RABL2B: variants seen among roughly 807,000 people sequenced by gnomAD.
The protein encoded by RABL2B is rab-like protein 2B.
Under a neutral mutation model 26.7 loss-of-function variants are expected in RABL2B, and 17 were observed. The ratio of observed to expected loss-of-function variants is 0.64; its 90% confidence interval spans 0.44 to 0.95. RABL2B has a LOEUF of 0.95. RABL2B is among the 40% of genes least tolerant of loss of function. RABL2B has a pLI of 0.00. For missense variants in RABL2B, 170 were observed against 277.2 expected (o/e 0.61, Z 2.75); for synonymous variants, 70 against 103.9 (o/e 0.67, Z 1.99).
At chr22:50,778,097 C>G (rs1177654468) in intron 2 of RABL2B, 116 bp from the exon 3 acceptor site, 18 of 1,361,916 alleles carry the variant, frequency 1.3e-5, no homozygotes, top group Non-Finnish European at 1.8e-5. Context: ...TTCCCCCTTT[C>G]ACTCCACAGC....
chr22:50,780,575 C>T (rs782618437), intron 2 of RABL2B: 1 of 413,432 alleles, frequency 2.4e-6, no homozygotes, highest in Non-Finnish European at 5.0e-6. Context: ...ATTCTTGAGT[C>T]CAGTCAAAAC....
intron 2 of RABL2B, among the ~76,000 whole-genome samples, chr22:50,778,929 A>G (rs1470110673): frequency 6.7e-6 from 1 of 150,276 alleles, no homozygotes; most frequent in African/African-American, 2.5e-5. Flanking sequence ...TTTTATTTAT[A>G]ACTATAAAGA....
At position 50,768,852 on chromosome 22, in the gene RABL2B, T is replaced by G; in HGVS notation, c.614A>C (p.Glu205Ala). 2 of 1,613,090 alleles carry G rather than the reference T, an allele frequency of 1.2e-6. No individual in the cohort carries two copies. The highest frequency in any genetic ancestry group is 1.7e-6 in the Non-Finnish European group (2 of 1,179,694). Residue 205 changes from glutamate to alanine, a missense_variant, in exon 9 of 9, where the codon GAG (glutamate) becomes GCG (alanine). Around this residue, in one of 2 missense-constraint regions of RABL2B, gnomAD observed 165 missense variants for 232.0 expected, o/e 0.71. Transcript: ENST00000691320. ...CTGTTCCTGGTCTGGCACGTCCTCC[T>G]CTTCCTGCTCCAAGCTGAAGTTCTG... ...ELENFSLEQE[E>A]EDVPDQEQSS...
At chr22:50,781,116 G>A (rs1569194366) in intron 2 of RABL2B, among the ~76,000 whole-genome samples, 1 of 151,988 alleles carries the variant, frequency 6.6e-6, no homozygotes, top group Non-Finnish European at 1.5e-5. Flanking sequence ...TGAGGTGGGC[G>A]GATCACAAGG....
intron 5 of RABL2B, among the ~76,000 whole-genome samples, chr22:50,773,902 A>ATT (rs370565257): frequency 6.7e-6 from 1 of 149,770 alleles, no homozygotes; most frequent in Non-Finnish European, 1.5e-5. Flanking sequence ...GGCAGACTTT[A>ATT]TTTTTTTTTT....
intron 2 of RABL2B, among the ~76,000 whole-genome samples, chr22:50,781,940 T>G (rs1262095983): frequency 6.7e-6 from 1 of 149,740 alleles, no homozygotes; most frequent in Admixed American, 6.7e-5. Flanking sequence ...TGTCCTCAGT[T>G]GCTCCACACG....
rs1227121223 is a variant in RABL2B at position 50,777,790 on chromosome 22, T to G, written c.137+162A>C. ...ACAGCACTGATTGTGCAATGCCATG[T>G]GGGTCAATCGGCAAGAAACAAGTGC... is the stretch of plus-strand genomic sequence containing the variant. On this transcript the variant is annotated intron_variant, in intron 3 of 8. Transcript: ENST00000691320. 5.8e-6 allele frequency: 6 copies of G among 1,030,488 alleles called. No homozygotes were observed. In the African/African-American group the frequency reaches 9.5e-5, roughly 16 times the overall value. 63.8% of individuals were successfully genotyped at this position (1,030,488 alleles called of 1,614,324 possible).
chr22:50,781,318 TG>T (rs574229357), intron 2 of RABL2B, among the ~76,000 whole-genome samples: 123 of 125,550 alleles, frequency 9.8e-4, no homozygotes, highest in African/African-American at 3.7e-3. Flanking sequence ...CACTCCAGCC[TG>T]GGGGACAGAG....
At chr22:50,774,928 C>T (rs1338794011) in intron 5 of RABL2B, among the ~76,000 whole-genome samples, 1 of 152,134 alleles carries the variant, frequency 6.6e-6, no homozygotes, top group Non-Finnish European at 1.5e-5. Context: ...CAGGCACCCG[C>T]CACCATGCCC....
chr22:50,776,535 C>G, intron 4 of RABL2B, 135 bp downstream of exon 4: 2 of 1,323,112 alleles, frequency 1.5e-6, no homozygotes, highest in Non-Finnish European at 2.1e-6. Flanking sequence ...TGGGTTCTCT[C>G]TAGCACCCCT....
chr22:50,781,766 T>TATAGTC (rs1361101833), intron 2 of RABL2B, among the ~76,000 whole-genome samples: 1 of 151,702 alleles, frequency 6.6e-6, no homozygotes, highest in Non-Finnish European at 1.5e-5. Context: ...TCACAATGAT[T>TATAGTC]ATAGTCAATC....
chr22:50,772,728 C>T lies in RABL2B; in HGVS notation c.298-2712G>A, dbSNP rs1245760343. On this transcript the variant is annotated intron_variant, in intron 5 of 8. Coordinates refer to ENST00000691320, the MANE Select transcript of RABL2B (RefSeq NM_001130919.3). ...GAATCACCAGGTTGTCTTGAATTCCCGATGAAGACTCCTTATAAAGGATGT... is the reference window on the plus strand; with the variant it reads ...GAATCACCAGGTTGTCTTGAATTCCTGATGAAGACTCCTTATAAAGGATGT... 18 of 1,052,904 alleles carry T rather than the reference C, an allele frequency of 1.7e-5. No homozygotes were observed. The East Asian group carries it at 2.2e-4, about 13-fold the overall frequency. 65.2% of individuals were successfully genotyped at this position (1,052,904 alleles called of 1,614,324 possible).
chr22:50,782,354 G>C lies in RABL2B; in HGVS notation c.-53-7C>G. On this transcript the variant is annotated splice_polypyrimidine_tract_variant and splice_region_variant and intron_variant, in intron 1 of 8. Transcript: ENST00000691320. The stretch of plus-strand genomic sequence containing the variant: ...GGAGGGGAGGGTATTGTCACTGTCT[G>C]GGAAGATCAACAAGAGGCTGTTGTC... The C allele has an allele frequency of 8.8e-7, 1 of 1,137,516 alleles. No homozygotes were observed. Among genetic ancestry groups the C allele is most frequent in the South Asian group, 1.6e-5 (1 of 64,460 alleles). The allele number at this position is 1,137,516 out of a possible 1,614,324, so 70.5% of individuals were successfully genotyped here.
In RABL2B at chr22:50,775,838, C is replaced by T. The variant is rs782747154; in HGVS notation, c.231G>A (p.Thr77=). The T allele has an allele frequency of 5.1e-5, 82 of 1,614,060 alleles. No homozygotes were observed. The highest frequency in any genetic ancestry group is 6.7e-5 in the Non-Finnish European group (79 of 1,180,038). ...GRTILVDFWD[T]AGQERFQSMH... The stretch of plus-strand genomic sequence containing the variant: ...TGCTCTGGAACCGCTCCTGGCCTGC[C>T]GTGTCCCAAAAGTCTGCAATGTGAA... The change falls in exon 5 of 9, where the codon ACG becomes ACA. Residue 77 remains threonine, a synonymous_variant. Coordinates refer to ENST00000691320, the MANE Select transcript of RABL2B (RefSeq NM_001130919.3).
chr22:50,768,251 G>A lies in RABL2B; in HGVS notation c.*525C>T. The A allele has an allele frequency of 4.7e-6, 1 of 213,900 alleles. No individual in the cohort carries two copies. Among genetic ancestry groups the A allele is most frequent in the East Asian group, 1.4e-4 (1 of 7,150 alleles). 13.3% of individuals were successfully genotyped at this position (213,900 alleles called of 1,614,324 possible). On this transcript the variant is annotated 3_prime_UTR_variant, in exon 9 of 9. Transcript: ENST00000691320. ...GAGACTCCGTCTCAGAACGAACAAA[G>A]AAACAAACAAACCAGATGACTGGGA...
At chr22:50,776,195 C>T (rs1300077421) in intron 4 of RABL2B, among the ~76,000 whole-genome samples, 7 of 152,270 alleles carry the variant, frequency 4.6e-5, no homozygotes, top group Admixed American at 3.3e-4. Flanking sequence ...TTCTCACGTG[C>T]GCTGACCACA....
intron 2 of RABL2B, among the ~76,000 whole-genome samples, chr22:50,778,617 C>T (rs1212193661): frequency 6.6e-6 from 1 of 151,962 alleles, no homozygotes; most frequent in Non-Finnish European, 1.5e-5. Flanking sequence ...TTCCCCATTT[C>T]TTTCAGTTCA....
chr22:50,780,629 T>A, intron 2 of RABL2B: 1 of 468,124 alleles, frequency 2.1e-6, no homozygotes, highest in South Asian at 1.6e-5. Flanking sequence ...TCAGATGCAC[T>A]GTTTCCACCA....
At position 50,768,369 on chromosome 22, in the gene RABL2B, G is replaced by A; in HGVS notation, c.*407C>T. On this transcript the variant is annotated 3_prime_UTR_variant, in exon 9 of 9. Coordinates refer to ENST00000691320, the MANE Select transcript of RABL2B (RefSeq NM_001130919.3). ...GTGGGGGGGTAAATCATTACCTCAG[G>A]AGAAGCCCAAGGAATTGTCCCCGAG... is the stretch of plus-strand genomic sequence containing the variant. The A allele has an allele frequency of 7.1e-6, 2 of 280,256 alleles. No homozygotes were observed. The highest frequency in any genetic ancestry group is 1.4e-5 in the Non-Finnish European group (2 of 144,640). 17.4% of individuals were successfully genotyped at this position (280,256 alleles called of 1,614,324 possible).
Sources: allele counts gnomAD v4.1 joint callset (sites outside exome capture counted in the v4.1 genomes callset), GRCh38; gene constraint gnomAD v4.1.1; regional missense constraint gnomAD v4.1.1; transcripts MANE v1.5; gene names NCBI Gene and HGNC (gene_info 2026-07-23, HGNC 2026-07-21).